The following LRP1B variants were observed in gnomAD, a reference collection of about 807,000 sequenced individuals.
LRP1B encodes the protein low-density lipoprotein receptor-related protein 1B.
Under a neutral mutation model 556.6 loss-of-function variants are expected in LRP1B, and 217 were observed. The observed-to-expected ratio is 0.39, with a 90% CI of 0.35 to 0.44. The LOEUF is 0.44. Ranked by LOEUF, LRP1B falls within the 20% of genes least tolerant of loss-of-function variation. The probability of loss-of-function intolerance (pLI) is 1.00; values close to 1 mark genes in which losing one functional copy is unlikely to be tolerated. For synonymous variants in LRP1B, 2,047 were observed against 1,865.8 expected, an observed-to-expected ratio of 1.10 and a Z score of -2.50; for missense variants, 5,053 against 5,620.8, an observed-to-expected ratio of 0.90 and a Z score of 3.23.
chr2:140,785,865 G>A (rs1396871607), intron 32 of LRP1B, among the ~76,000 whole-genome samples: 3 of 152,076 alleles, frequency 2.0e-5, no homozygotes, highest in South Asian at 2.1e-4. Flanking sequence ...AGGCCAGACG[G>A]TCACTGTTTT....
rs1697885166 is a variant in LRP1B, at chr2:141,015,852, C to T, written c.2034G>A (p.Lys678=). 26 of 1,613,496 alleles carry T rather than the reference C, an allele frequency of 1.6e-5. No individual in the cohort carries two copies. The highest frequency in any genetic ancestry group is 2.2e-5 in the Non-Finnish European group (26 of 1,179,772). ...GCCGATTGAATCCATCCATCCAGGC[C>T]TTCTCAATCCTTCCCACGCTGTCAT... is the stretch of plus-strand genomic sequence containing the variant. ...EIDDSVGRIE[K]AWMDGFNRQI... is the part of the protein sequence containing the mutation. The change falls in exon 13 of 91, where the codon AAG becomes AAA. Residue 678 remains lysine, a synonymous_variant. Coordinates refer to ENST00000389484, the MANE Select transcript of LRP1B (RefSeq NM_018557.3).
chr2:140,284,569 A>G (rs930190828), intron 84 of LRP1B, among the ~76,000 whole-genome samples: 3 of 151,454 alleles, frequency 2.0e-5, no homozygotes, highest in Non-Finnish European at 3.0e-5. Flanking sequence ...TCCTAATTTT[A>G]TCTTTCCCTT....
At chr2:141,386,614 C>T (rs1689843246) in intron 3 of LRP1B, among the ~76,000 whole-genome samples, 1 of 151,718 alleles carries the variant, frequency 6.6e-6, no homozygotes. Context: ...AAAACTATTA[C>T]CAGAGAGACA....
chr2:141,290,633 A>G (rs1685906002), intron 3 of LRP1B, among the ~76,000 whole-genome samples: 1 of 152,164 alleles, frequency 6.6e-6, no homozygotes, highest in Non-Finnish European at 1.5e-5. Context: ...TTAATTTTAA[A>G]TATTTAGACC....
chr2:140,552,641 A>T (rs1310165687), intron 43 of LRP1B, among the ~76,000 whole-genome samples: 1 of 152,140 alleles, frequency 6.6e-6, no homozygotes, highest in Non-Finnish European at 1.5e-5. Flanking sequence ...GCCTAGTCAG[A>T]GTCTTTATGT....
chr2:141,240,587 GAA>G (rs1185457087), intron 5 of LRP1B, among the ~76,000 whole-genome samples: 2 of 151,584 alleles, frequency 1.3e-5, no homozygotes, highest in Non-Finnish European at 2.9e-5. Context: ...TTTTAAGATA[GAA>G]AAAGAGTTAA....
chr2:141,241,658 C>G (rs899833671), intron 5 of LRP1B, among the ~76,000 whole-genome samples: 1 of 152,054 alleles, frequency 6.6e-6, no homozygotes, highest in East Asian at 1.9e-4. Context: ...CTAGAAATTG[C>G]TAAAGCATCC....
intron 43 of LRP1B, among the ~76,000 whole-genome samples, chr2:140,550,432 T>C (rs1486748720): frequency 6.6e-6 from 1 of 152,124 alleles, no homozygotes; most frequent in Non-Finnish European, 1.5e-5. Flanking sequence ...AACTTCAACC[T>C]TTTTAGAGAG....
chr2:141,538,713 C>G (rs1474056574), intron 2 of LRP1B, among the ~76,000 whole-genome samples: 7 of 151,164 alleles, frequency 4.6e-5, no homozygotes, highest in African/African-American at 1.7e-4. Context: ...GATCTTGGCT[C>G]ACTTTAACCT....
chr2:141,891,550 G>A (rs966737867), intron 1 of LRP1B, among the ~76,000 whole-genome samples: 2 of 151,984 alleles, frequency 1.3e-5, no homozygotes, highest in Non-Finnish European at 1.5e-5. Flanking sequence ...TGCATACTCC[G>A]CATAGAATAC....
At chr2:141,280,603 C>T (rs972920284) in intron 3 of LRP1B, among the ~76,000 whole-genome samples, 3 of 151,754 alleles carry the variant, frequency 2.0e-5, no homozygotes, top group Non-Finnish European at 2.9e-5. Flanking sequence ...GGATGCAGAA[C>T]GCTTAATATT....
intron 1 of LRP1B, among the ~76,000 whole-genome samples, chr2:141,898,631 G>A (rs4662557): frequency 0.35 from 52,475 of 151,762 alleles, 9,835 homozygotes; most frequent in Admixed American, 0.46. Flanking sequence ...GATTATCTTC[G>A]ACCACCTGTC....
intron 41 of LRP1B, among the ~76,000 whole-genome samples, chr2:140,671,037 A>G (rs980577871): frequency 6.6e-6 from 1 of 152,200 alleles, no homozygotes; most frequent in African/African-American, 2.4e-5. Context: ...CAAACATTTT[A>G]AATATATCTA....
intron 43 of LRP1B, among the ~76,000 whole-genome samples, chr2:140,595,102 A>C (rs764328423): frequency 0.17 from 9,313 of 56,216 alleles, 615 homozygotes; most frequent in Non-Finnish European, 0.2. Flanking sequence ...ATATATATAT[A>C]TATATATATA....
At chr2:140,551,552 T>A (rs1558962382) in intron 43 of LRP1B, among the ~76,000 whole-genome samples, 3 of 152,176 alleles carry the variant, frequency 2.0e-5, no homozygotes, top group Admixed American at 2.0e-4. Flanking sequence ...GGTTTGTGAT[T>A]CTGAGTTTTA....
chr2:141,471,268 A>ATGTTTTTTTTTTTTTTT (rs1553518973), intron 3 of LRP1B, among the ~76,000 whole-genome samples: 11 of 31,900 alleles, frequency 3.4e-4, no homozygotes, highest in Non-Finnish European at 5.5e-4. Flanking sequence ...ATACCCTGGT[A>ATGTTTTTTTTTTTTTTT]TTTTTTTTTT....
intron 32 of LRP1B, among the ~76,000 whole-genome samples, chr2:140,800,536 A>G (rs930399349): frequency 6.6e-6 from 1 of 152,220 alleles, no homozygotes; most frequent in Non-Finnish European, 1.5e-5. Context: ...CGAGAATTAC[A>G]CAAGTATAGA....
At chr2:141,697,703 C>T (rs946529323) in intron 2 of LRP1B, among the ~76,000 whole-genome samples, 1 of 151,894 alleles carries the variant, frequency 6.6e-6, no homozygotes, top group Admixed American at 6.6e-5. Context: ...ATCAAACATG[C>T]TTGAAACGAA....
chr2:141,598,889 A>G (rs1367018467), intron 2 of LRP1B, among the ~76,000 whole-genome samples: 1 of 152,086 alleles, frequency 6.6e-6, no homozygotes, highest in Non-Finnish European at 1.5e-5. Context: ...GCAAATCCAG[A>G]AGTAGAAACT....
Sources: allele counts gnomAD v4.1 joint callset (sites outside exome capture counted in the v4.1 genomes callset), GRCh38; gene constraint gnomAD v4.1.1; transcripts MANE v1.5; gene names NCBI Gene and HGNC (gene_info 2026-07-23, HGNC 2026-07-21).